Variants in CDYL observed in about 807,000 individuals in gnomAD.
CDYL encodes the protein chromodomain Y-like protein.
A neutral mutation model predicts 47.3 loss-of-function variants in CDYL; 8 were observed. The observed-to-expected ratio is 0.17, with a 90% CI of 0.10 to 0.31. CDYL has a LOEUF of 0.31. Among genes scored for constraint, CDYL ranks in the 10% least tolerant of loss-of-function variants. The pLI, the probability that CDYL is intolerant of heterozygous loss-of-function variation, is 1.00. For synonymous variants in CDYL, 266 were observed against 265.0 expected (o/e 1.00, Z -0.04); for missense variants, 471 against 701.4 (o/e 0.67, Z 3.71).
At chr6:4,748,705 A>G (rs1757939043) in intron 3 of CDYL, among the ~76,000 whole-genome samples, 1 of 151,978 alleles carries the variant, frequency 6.6e-6, no homozygotes, top group Non-Finnish European at 1.5e-5. Flanking sequence ...AAAAAAAAAT[A>G]TAAAGAAAAG....
At chr6:4,949,140 GTC>G (rs766974571) in intron 5 of CDYL, among the ~76,000 whole-genome samples, 2 of 152,270 alleles carry the variant, frequency 1.3e-5, no homozygotes, top group African/African-American at 2.4e-5. Flanking sequence ...CAGCCAAGGA[GTC>G]TCTTCCAGTT....
intron 3 of CDYL, among the ~76,000 whole-genome samples, chr6:4,770,117 G>A (rs1202888131): frequency 2.0e-5 from 3 of 152,066 alleles, no homozygotes; most frequent in Admixed American, 6.5e-5. Flanking sequence ...GATTACAGGC[G>A]TGAGCCATGG....
intron 1 of CDYL, among the ~76,000 whole-genome samples, chr6:4,880,099 A>G (rs888939684): frequency 6.6e-5 from 10 of 151,944 alleles, no homozygotes; most frequent in East Asian, 3.9e-4. Context: ...TATGCATTCT[A>G]TGGGTTAGAC....
intron 2 of CDYL, among the ~76,000 whole-genome samples, chr6:4,893,100 G>A (rs1445527098): frequency 6.6e-6 from 1 of 152,212 alleles, no homozygotes; most frequent in Non-Finnish European, 1.5e-5. Flanking sequence ...TTTCTCTTAC[G>A]AGGCCTCATG....
intron 1 of CDYL, among the ~76,000 whole-genome samples, chr6:4,829,853 T>G (rs1407287530): frequency 6.6e-6 from 1 of 152,220 alleles, no homozygotes; most frequent in Non-Finnish European, 1.5e-5. Context: ...AACCAGGGAC[T>G]TTCCCACTGG....
At chr6:4,847,270 TCA>T (rs1760689952) in intron 1 of CDYL, among the ~76,000 whole-genome samples, 1 of 152,226 alleles carries the variant, frequency 6.6e-6, no homozygotes, top group South Asian at 2.1e-4. Context: ...CATTACTTTG[TCA>T]CTTGCCGCCC....
At chr6:4,897,366 C>T (rs1209536764) in intron 2 of CDYL, among the ~76,000 whole-genome samples, 2 of 152,192 alleles carry the variant, frequency 1.3e-5, no homozygotes, top group South Asian at 2.1e-4. Flanking sequence ...CTTAGCACAC[C>T]TTGCATTTCA....
chr6:4,713,683 G>T (rs1390030266), intron 1 of CDYL, among the ~76,000 whole-genome samples: 1 of 151,778 alleles, frequency 6.6e-6, no homozygotes, highest in African/African-American at 2.4e-5. Context: ...TGCCTCCTGG[G>T]TTCAAGAAGT....
intron 6 of CDYL, among the ~76,000 whole-genome samples, chr6:4,952,887 C>T (rs923706728): frequency 6.6e-6 from 1 of 151,996 alleles, no homozygotes; most frequent in Admixed American, 6.5e-5. Flanking sequence ...TGTGCTTCAG[C>T]CTCCCGAGTA....
chr6:4,901,589 A>C (rs1387558116), intron 2 of CDYL, among the ~76,000 whole-genome samples: 2 of 152,206 alleles, frequency 1.3e-5, no homozygotes, highest in East Asian at 3.8e-4. Flanking sequence ...TGATCAAATC[A>C]CTAGCAGAAT....
rs1244811771 is a variant in CDYL at position 4,858,035 on chromosome 6, A to G, written c.25-33678A>G. ...TTGTCCCATTGACTTAAGCTTCTGT[A>G]TCGCACTAGTTCAAGGCTCTGCCTC... On this transcript the variant is annotated intron_variant, in intron 1 of 6. Transcript: ENST00000397588. Among the ~76,000 whole-genome samples, 4 of 122,734 alleles carry G rather than the reference A, an allele frequency of 3.3e-5. No individual in the cohort carries two copies. In the East Asian group the frequency reaches 7.2e-4, roughly 22 times the overall value. 80.5% of individuals were successfully genotyped at this position (122,734 alleles called of 152,430 possible). A position where few individuals can be genotyped will look rare whatever the true frequency, so the allele number is the denominator to read the frequency against.
At chr6:4,870,792 C>G (rs1384934871) in intron 1 of CDYL, among the ~76,000 whole-genome samples, 1 of 150,900 alleles carries the variant, frequency 6.6e-6, no homozygotes, top group Non-Finnish European at 1.5e-5. Flanking sequence ...TTGAGTCCAT[C>G]ATTGGATTTT....
intron 1 of CDYL, among the ~76,000 whole-genome samples, chr6:4,800,764 A>G (rs879711557): frequency 1.3e-5 from 2 of 152,214 alleles, no homozygotes; most frequent in Non-Finnish European, 2.9e-5. Flanking sequence ...CAGTGTCTTC[A>G]GACTTAAAAG....
At chr6:4,741,837 A>G (rs1757801964) in intron 3 of CDYL, among the ~76,000 whole-genome samples, 1 of 152,144 alleles carries the variant, frequency 6.6e-6, no homozygotes, top group Admixed American at 6.6e-5. Flanking sequence ...CCTCTGGCAG[A>G]TATACTCATG....
rs141268596 is a variant in CDYL at position 4,715,882 on chromosome 6, G to T, written c.103+1G>T. ...AAGTTATTCCTGAAGAGAAACAACG[G>T]TAAGAACTTGCAGGAATCAAATTAG... On this transcript the variant is annotated splice_donor_variant, in intron 2 of 8. Transcript: ENST00000328908. LOFTEE classifies it high-confidence loss of function. 3 of 1,613,192 alleles carry T rather than the reference G, an allele frequency of 1.9e-6. No individual in the cohort carries two copies. Among genetic ancestry groups the T allele is most frequent in the Non-Finnish European group, 2.5e-6 (3 of 1,179,554 alleles).
rs563243370 is a variant in CDYL at position 4,725,788 on chromosome 6, C to A, written c.104-8974C>A. Among the ~76,000 whole-genome samples, 6 of 152,358 alleles carry A rather than the reference C, an allele frequency of 3.9e-5. No individual in the cohort carries two copies. In the East Asian group the frequency reaches 1.2e-3, roughly 29 times the overall value. On this transcript the variant is annotated intron_variant, in intron 2 of 8. Transcript: ENST00000328908. ...GGCGGGCTGAGGGGCTCAAGCGTGG[C>A]CAGAGTGGGCGCCAAGGCCGAGGAG...
At chr6:4,738,036 C>T (rs911528965) in intron 3 of CDYL, among the ~76,000 whole-genome samples, 3 of 151,964 alleles carry the variant, frequency 2.0e-5, no homozygotes, top group African/African-American at 7.3e-5. Context: ...AAAGAAAATA[C>T]AATAGAAAAA....
At chr6:4,947,760 G>A (rs2127527422) in intron 5 of CDYL, among the ~76,000 whole-genome samples, 1 of 152,314 alleles carries the variant, frequency 6.6e-6, no homozygotes, top group South Asian at 2.1e-4. Context: ...CCATGGAAGG[G>A]CAGAAAGGAA....
intron 1 of CDYL, among the ~76,000 whole-genome samples, chr6:4,845,309 A>G (rs914441165): frequency 7.9e-5 from 12 of 152,338 alleles, no homozygotes; most frequent in Admixed American, 3.9e-4. Context: ...AAACAAAACA[A>G]AAGGTTCCAA....
Sources: gnomAD v4.1 joint callset for allele counts (sites outside exome capture counted in the v4.1 genomes callset) on GRCh38, gnomAD v4.1.1 for gene constraint, MANE v1.5 for transcripts, NCBI Gene and HGNC (gene_info 2026-07-23, HGNC 2026-07-21) for gene names.